GUCY2C: variants seen among roughly 807,000 people sequenced by gnomAD.
GUCY2C encodes the protein guanylyl cyclase C.
In GUCY2C, 118 loss-of-function variants were observed where a neutral mutation model predicts 131.1. The observed-to-expected ratio is 0.90, with a 90% CI of 0.78 to 1.05. The LOEUF (loss-of-function observed/expected upper bound fraction) is 1.05, where lower values mean the gene tolerates loss of function less well. Among genes scored for constraint, GUCY2C ranks in the 50% least tolerant of loss-of-function variants. GUCY2C has a pLI of 0.00. For missense variants in GUCY2C, 1,161 were observed against 1,304.4 expected (o/e 0.89, Z 1.69); for synonymous variants, 452 against 457.8 (o/e 0.99, Z 0.16).
rs1459771824 is a variant in GUCY2C, at chr12:14,651,463, T to C, written c.1654A>G (p.Lys552Glu). The change falls in exon 15 of 27, where the codon AAA becomes GAA. Residue 552 changes from lysine to glutamate, a missense_variant. Transcript: ENST00000261170. ...ACCCCGAAGATCATGGTATCAAGTT[T>C]CACTGTGCCGTAGAACTTGGTCAGG... ...YNLTKFYGTV[K>E]LDTMIFGVIE... The C allele has an allele frequency of 3.1e-6, 5 of 1,609,586 alleles. No individual in the cohort carries two copies. The highest frequency in any genetic ancestry group is 4.3e-6 in the Non-Finnish European group (5 of 1,175,992).
chr12:14,643,514 T>A lies in GUCY2C; in HGVS notation c.1930+60A>T, dbSNP rs1057114191. On this transcript the variant is annotated intron_variant, in intron 17 of 26. Transcript: ENST00000261170. ...CAGTATTACAATTTCCTGACCACGC[T>A]ACATGGGTTTGAAAAAAAAATCAGT... is the stretch of plus-strand genomic sequence containing the variant. 60 of 1,516,842 alleles carry A rather than the reference T, an allele frequency of 4.0e-5. No individual in the cohort carries two copies. The Middle Eastern group carries it at 8.5e-4, about 21-fold the overall frequency. The allele number at this position is 1,516,842 out of a possible 1,614,324, so 94.0% of individuals were successfully genotyped here. A position where few individuals can be genotyped will look rare whatever the true frequency, so the allele number is the denominator to read the frequency against.
At chr12:14,614,510 C>G (rs1946716092) in intron 26 of GUCY2C, 1 of 194,608 alleles carries the variant, frequency 5.1e-6, no homozygotes, top group Non-Finnish European at 1.0e-5. Context: ...GTTCATTCTT[C>G]CTCTTTTCCA....
chr12:14,626,271 A>G lies in GUCY2C; in HGVS notation c.2250-356T>C, dbSNP rs181504091. 2.3e-3 allele frequency among the ~76,000 whole-genome samples: 346 copies of G among 152,252 alleles called. 3 individuals are homozygous for G. The highest frequency in any genetic ancestry group is 7.9e-3 in the African/African-American group (330 of 41,540). ...GGGAGGTGGAGGTTGCAGTGAGTCG[A>G]GATCATGCCACTGCACTCCAGCCTG... On this transcript the variant is annotated intron_variant, in intron 20 of 26. Coordinates refer to ENST00000261170, the MANE Select transcript of GUCY2C (RefSeq NM_004963.4).
rs755695884 is a variant in GUCY2C, at chr12:14,696,489, G to T, written c.-41C>A. 4 of 1,516,050 alleles carry T rather than the reference G, an allele frequency of 2.6e-6. No homozygotes were observed. Among genetic ancestry groups the T allele is most frequent in the Non-Finnish European group, 3.7e-6 (4 of 1,094,986 alleles). The allele number at this position is 1,516,050 out of a possible 1,614,324, so 93.9% of individuals were successfully genotyped here. ...AGAACCATACTCCTTGTGCCCACTT[G>T]CTTTGCTCTGTTGGGCTCCTAGGGA... is the stretch of plus-strand genomic sequence containing the variant. On this transcript the variant is annotated 5_prime_UTR_variant, in exon 1 of 27. Transcript: ENST00000261170.
At chr12:14,664,425 C>G (rs570772236) in intron 10 of GUCY2C, among the ~76,000 whole-genome samples, 2 of 152,170 alleles carry the variant, frequency 1.3e-5, no homozygotes. Context: ...ATGGGGACTC[C>G]TCAGCCCACC....
At chr12:14,693,620 A>C (rs1454358593) in intron 1 of GUCY2C, among the ~76,000 whole-genome samples, 1 of 152,224 alleles carries the variant, frequency 6.6e-6, no homozygotes, top group African/African-American at 2.4e-5. Flanking sequence ...TCTCTTCCCC[A>C]AAAACCTGTA....
In GUCY2C at chr12:14,613,846, T is replaced by C. The variant is rs1212982433; in HGVS notation, c.3048-555A>G. Reference sequence around the variant, plus strand: ...TCTGCAAGACAGAGTTTCTCAACCATAGCAAAAGCCAAGGAAATGGCCATA... The same window carrying C: ...TCTGCAAGACAGAGTTTCTCAACCACAGCAAAAGCCAAGGAAATGGCCATA... On this transcript the variant is annotated intron_variant, in intron 26 of 26. Transcript: ENST00000261170. This position sits in a 1 kb window ranked among gnomAD's most constrained non-coding sequence, Gnocchi z 4.9. Among the ~76,000 whole-genome samples the C allele has an allele frequency of 6.6e-6, 1 of 152,062 alleles. No homozygotes were observed. Among genetic ancestry groups the C allele is most frequent in the South Asian group, 2.1e-4 (1 of 4,830 alleles).
intron 12 of GUCY2C, among the ~76,000 whole-genome samples, chr12:14,655,046 G>A (rs528013318): frequency 1.3e-5 from 2 of 152,312 alleles, no homozygotes; most frequent in African/African-American, 4.8e-5. Flanking sequence ...ATGCCTAGCT[G>A]TAACCAATCA....
chr12:14,659,801 AC>A (rs2137051654), intron 11 of GUCY2C, among the ~76,000 whole-genome samples: 1 of 152,288 alleles, frequency 6.6e-6, no homozygotes, highest in South Asian at 2.1e-4. Context: ...CTGCATGTGT[AC>A]CACCTGTCTG....
intron 7 of GUCY2C, among the ~76,000 whole-genome samples, chr12:14,675,728 G>A (rs1948219123): frequency 6.6e-6 from 1 of 152,204 alleles, no homozygotes; most frequent in African/African-American, 2.4e-5. Context: ...AGCCCTTGCT[G>A]AACTGAGACC....
chr12:14,658,463 G>A (rs1039117184), intron 11 of GUCY2C, among the ~76,000 whole-genome samples: 2 of 152,172 alleles, frequency 1.3e-5, no homozygotes, highest in East Asian at 1.9e-4. Context: ...GATCACTAGA[G>A]GTCAGGAGTT....
At chr12:14,678,487 T>G (rs1371187366) in intron 6 of GUCY2C, among the ~76,000 whole-genome samples, 1 of 152,232 alleles carries the variant, frequency 6.6e-6, no homozygotes, top group East Asian at 1.9e-4. Flanking sequence ...GCTATTGAAA[T>G]CAATGAGGTT....
chr12:14,626,740 A>T (rs1301004620), intron 20 of GUCY2C, among the ~76,000 whole-genome samples: 3 of 152,248 alleles, frequency 2.0e-5, no homozygotes, highest in Non-Finnish European at 4.4e-5. Flanking sequence ...CTCCCTCTGT[A>T]TTATTAAGCG....
chr12:14,638,477 A>G (rs1331791130), intron 19 of GUCY2C, among the ~76,000 whole-genome samples: 6 of 152,248 alleles, frequency 3.9e-5, no homozygotes. Context: ...AATGTCCATC[A>G]GTGGATGAAT....
intron 8 of GUCY2C, 64 bp from the exon 9 acceptor site, chr12:14,673,022 C>T (rs2287171): frequency 0.041 from 37,518 of 911,294 alleles, 1,028 homozygotes; most frequent in Middle Eastern, 0.08. Context: ...TAAGTTGGAT[C>T]ATGACAGAGA....
chr12:14,681,487 GA>G lies in GUCY2C; in HGVS notation c.612-11del, dbSNP rs56944147. ...CAGAGCATTAAGGTACCTGGAATAG[GA>G]AAAAGAGAAACTAAAACAGCTTACT... On this transcript the variant is annotated splice_polypyrimidine_tract_variant and intron_variant, in intron 4 of 26. Transcript: ENST00000261170. The G allele has an allele frequency of 0.99, 1,585,486 of 1,606,312 alleles. 784,333 individuals carry two copies. The highest frequency in any genetic ancestry group is 1 in the Non-Finnish European group (1,173,277 of 1,174,072).
chr12:14,616,434 A>C (rs565538783), intron 25 of GUCY2C, among the ~76,000 whole-genome samples, 199 bp downstream of exon 25: 1 of 152,276 alleles, frequency 6.6e-6, no homozygotes, highest in East Asian at 1.9e-4. Context: ...TCAAAATCTC[A>C]AAAGGGCTCT....
chr12:14,686,725 C>A (rs1454747985), intron 2 of GUCY2C, among the ~76,000 whole-genome samples: 1 of 152,024 alleles, frequency 6.6e-6, no homozygotes, highest in Non-Finnish European at 1.5e-5. Context: ...CCATCTCATC[C>A]CTGGTTTTGG....
At chr12:14,652,527 G>A (rs1354424765) in intron 13 of GUCY2C, among the ~76,000 whole-genome samples, 1 of 152,100 alleles carries the variant, frequency 6.6e-6, no homozygotes, top group African/African-American at 2.4e-5. Flanking sequence ...GGTAAGTTCA[G>A]TCTCGAATGT....
Sources: allele counts gnomAD v4.1 joint callset (sites outside exome capture counted in the v4.1 genomes callset), GRCh38; gene constraint gnomAD v4.1.1; non-coding constraint Gnocchi (gnomAD v3.1); transcripts MANE v1.5; gene names NCBI Gene and HGNC (gene_info 2026-07-23, HGNC 2026-07-21).